The following FAM171A1 variants were observed in gnomAD, a reference collection of about 807,000 sequenced individuals.
FAM171A1 encodes protein FAM171A1.
FAM171A1 carries 23 observed loss-of-function variants against 74.9 expected under a neutral mutation model. The ratio of observed to expected loss-of-function variants is 0.31; its 90% CI spans 0.22 to 0.44. The LOEUF is 0.44. Ranked by LOEUF, FAM171A1 falls within the 20% of genes least tolerant of loss-of-function variation. The pLI, the probability that FAM171A1 is intolerant of heterozygous loss-of-function variation, is 1.00. For missense variants in FAM171A1, 1,162 were observed against 1,159.2 expected, an observed-to-expected ratio of 1.00 and a Z score of -0.03; for synonymous variants, 527 against 505.7, an observed-to-expected ratio of 1.04 and a Z score of -0.57.
chr10:15,326,191 A>G (rs923897820), intron 1 of FAM171A1, among the ~76,000 whole-genome samples: 6 of 152,062 alleles, frequency 3.9e-5, no homozygotes, highest in African/African-American at 1.4e-4. Flanking sequence ...CTCCCCTGTA[A>G]CCCATCATTT....
At chr10:15,347,566 A>C (rs1835830581) in intron 1 of FAM171A1, among the ~76,000 whole-genome samples, 1 of 152,156 alleles carries the variant, frequency 6.6e-6, no homozygotes, top group African/African-American at 2.4e-5. Context: ...GGCCGGGTGC[A>C]GTGGCTCATG....
chr10:15,256,720 T>C (rs1026125725), intron 3 of FAM171A1, among the ~76,000 whole-genome samples: 1 of 152,212 alleles, frequency 6.6e-6, no homozygotes, highest in East Asian at 1.9e-4. Context: ...AGAATACCGA[T>C]GTCTTACTCC....
At chr10:15,327,237 C>T (rs1383377900) in intron 1 of FAM171A1, among the ~76,000 whole-genome samples, 1 of 152,070 alleles carries the variant, frequency 6.6e-6, no homozygotes, top group East Asian at 1.9e-4. Flanking sequence ...AGCTGCCTAC[C>T]CCCTAGGCCA....
At chr10:15,354,053 C>A (rs984234244) in intron 1 of FAM171A1, among the ~76,000 whole-genome samples, 3 of 152,136 alleles carry the variant, frequency 2.0e-5, no homozygotes, top group Non-Finnish European at 4.4e-5. Flanking sequence ...TTCCAAAGTC[C>A]CTTCTGGGAC....
chr10:15,282,562 C>T (rs558455061), intron 2 of FAM171A1, among the ~76,000 whole-genome samples: 1 of 152,220 alleles, frequency 6.6e-6, no homozygotes, highest in Non-Finnish European at 1.5e-5. Flanking sequence ...TGGCTATGGA[C>T]CATAACTACT....
At chr10:15,344,908 C>A (rs1835802173) in intron 1 of FAM171A1, among the ~76,000 whole-genome samples, 1 of 152,236 alleles carries the variant, frequency 6.6e-6, no homozygotes. Context: ...ATTCGTCTCA[C>A]AGTTACTTTT....
At position 15,213,339 on chromosome 10, in the gene FAM171A1, T is replaced by C. The variant is rs145796393; in HGVS notation, c.2249A>G (p.Lys750Arg). Residue 750 changes from lysine to arginine, a missense_variant, in exon 8 of 8, where the codon AAA (lysine) becomes AGA (arginine). Lys to Arg is a conservative substitution (Grantham distance 26). Coordinates refer to ENST00000378116, the MANE Select transcript of FAM171A1 (RefSeq NM_001010924.2). The surrounding 1 kb of genome is among the most constrained non-coding windows in gnomAD (Gnocchi z 6.8). ...LDSGVDMNEP[K>R]SARKGRGDAL... Reference sequence around the variant, plus strand: ...ATCTCCCCTTCCCTTCCGGGCTGATTTTGGTTCATTCATATCTACGCCAGA... The same window carrying C: ...ATCTCCCCTTCCCTTCCGGGCTGATCTTGGTTCATTCATATCTACGCCAGA... The C allele has an allele frequency of 2.1e-5, 34 of 1,614,046 alleles. No individual in the cohort carries two copies. Among genetic ancestry groups the C allele is most frequent in the Non-Finnish European group, 2.7e-5 (32 of 1,180,040 alleles).
chr10:15,303,879 T>C (rs1835262253), intron 1 of FAM171A1, among the ~76,000 whole-genome samples: 1 of 152,170 alleles, frequency 6.6e-6, no homozygotes, highest in Non-Finnish European at 1.5e-5. Flanking sequence ...GGCAGAAAAG[T>C]TCACGTATGA....
chr10:15,270,920 T>A (rs542743096), intron 3 of FAM171A1, among the ~76,000 whole-genome samples: 1 of 152,222 alleles, frequency 6.6e-6, no homozygotes, highest in South Asian at 2.1e-4. Context: ...ACCACAAAGA[T>A]GGGGAGAAAC....
intron 4 of FAM171A1, 73 bp from the exon 5 acceptor site, chr10:15,248,888 A>G (rs2131758476): frequency 7.1e-7 from 1 of 1,411,588 alleles, no homozygotes; most frequent in Admixed American, 2.4e-5. Context: ...CTTTGCAAAA[A>G]AATAGTCGCA....
intron 1 of FAM171A1, among the ~76,000 whole-genome samples, chr10:15,370,357 C>CA (rs1836124271): frequency 6.7e-6 from 1 of 150,322 alleles, no homozygotes; most frequent in African/African-American, 2.5e-5. Context: ...GAAGAGACGT[C>CA]AGATAGGCAG....
chr10:15,315,116 GT>G (rs1835406823), intron 1 of FAM171A1, among the ~76,000 whole-genome samples: 1 of 152,236 alleles, frequency 6.6e-6, no homozygotes, highest in Admixed American at 6.5e-5. Context: ...GAAGTGTACA[GT>G]TTAATGAAGT....
chr10:15,213,889 C>G lies in FAM171A1; in HGVS notation c.1699G>C (p.Asp567His). 2 of 1,614,062 alleles carry G rather than the reference C, an allele frequency of 1.2e-6. No individual in the cohort carries two copies. Among genetic ancestry groups the G allele is most frequent in the Middle Eastern group, 3.3e-4 (2 of 6,062 alleles). ...CTGTAAACGCTGTCATTGACCTGGT[C>G]GACAGAACTGCAGCAGATTAACTGG... is the stretch of plus-strand genomic sequence containing the variant. ...PGQLICCSSV[D>H]QVNDSVYRKV... The change falls in exon 8 of 8, where the codon GAC (aspartate) becomes CAC (histidine). Residue 567 changes from aspartate (D) to histidine (H), a missense_variant. Physicochemically the swap from Asp to His is moderately conservative, Grantham distance 81. Transcript: ENST00000378116. This position sits in a 1 kb window ranked among gnomAD's most constrained non-coding sequence, Gnocchi z 6.8.
chr10:15,289,293 G>A (rs1246089517), intron 1 of FAM171A1, among the ~76,000 whole-genome samples: 1 of 152,080 alleles, frequency 6.6e-6, no homozygotes, highest in East Asian at 1.9e-4. Flanking sequence ...TTTATAGGAA[G>A]ACCCCATAAA....
intron 1 of FAM171A1, among the ~76,000 whole-genome samples, chr10:15,331,853 ATGTG>A (rs376695633): frequency 0.081 from 5,877 of 72,710 alleles, 646 homozygotes; most frequent in East Asian, 0.26. Context: ...GTGTATATAT[ATGTG>A]TGTATATATA....
chr10:15,305,005 G>A (rs1835276344), intron 1 of FAM171A1, among the ~76,000 whole-genome samples: 1 of 152,160 alleles, frequency 6.6e-6, no homozygotes, highest in South Asian at 2.1e-4. Context: ...CCAAAGTGCT[G>A]GGATTACAGG....
intron 1 of FAM171A1, among the ~76,000 whole-genome samples, chr10:15,341,029 C>G (rs116034150): frequency 6.6e-6 from 1 of 152,280 alleles, no homozygotes; most frequent in South Asian, 2.1e-4. Context: ...TATGCCAGTA[C>G]GTCTCAAGCT....
Position 15,214,219 on chromosome 10 carries a change from A to C in FAM171A1, c.1369T>G (p.Tyr457Asp), listed in dbSNP as rs1170857001. 1 of 1,614,170 alleles carries C rather than the reference A, an allele frequency of 6.2e-7. No homozygotes were observed. The highest frequency in any genetic ancestry group is 1.7e-5 in the Admixed American group (1 of 60,018). Residue 457 changes from tyrosine (Y) to aspartate (D), a missense_variant, in exon 8 of 8, where the codon TAC becomes GAC. Transcript: ENST00000378116. ...LTPSGTLGKD[Y>D]HKSVEVFPLK... ...GGAAAAACCTCCACTGACTTATGGT[A>C]GTCTTTCCCCAGCGTCCCACTTGGA... is the stretch of plus-strand genomic sequence containing the variant.
chr10:15,341,385 A>G (rs957284663), intron 1 of FAM171A1, among the ~76,000 whole-genome samples: 2 of 152,248 alleles, frequency 1.3e-5, no homozygotes, highest in Admixed American at 1.3e-4. Flanking sequence ...AAATCACTAC[A>G]AAATCCAAAT....
Sources: gnomAD v4.1 joint callset for allele counts (sites outside exome capture counted in the v4.1 genomes callset) on GRCh38, gnomAD v4.1.1 for gene constraint, Gnocchi (gnomAD v3.1) non-coding constraint, MANE v1.5 for transcripts, NCBI Gene and HGNC (gene_info 2026-07-23, HGNC 2026-07-21) for gene names.